HERC3: variants seen among roughly 807,000 people sequenced by gnomAD.
HERC3 encodes the protein probable E3 ubiquitin-protein ligase HERC3.
In HERC3, 58 loss-of-function variants were observed where a neutral mutation model predicts 129.9. The ratio of observed to expected loss-of-function variants is 0.45; its 90% CI spans 0.36 to 0.56. HERC3 has a LOEUF of 0.56. Among genes scored for constraint, HERC3 ranks in the 20% least tolerant of loss-of-function variants. The probability of loss-of-function intolerance (pLI) is 0.00; values close to 1 mark genes in which losing one functional copy is unlikely to be tolerated. For missense variants in HERC3, 835 were observed against 1,244.2 expected, an observed-to-expected ratio of 0.67 and a Z score of 4.95; for synonymous variants, 430 against 451.0, an observed-to-expected ratio of 0.95 and a Z score of 0.59.
chr4:88,667,494 T>C lies in HERC3; in HGVS notation c.1443+6T>C. 1 of 1,474,388 alleles carries C rather than the reference T, an allele frequency of 6.8e-7. No homozygotes were observed. Among genetic ancestry groups the C allele is most frequent in the Non-Finnish European group, 9.3e-7 (1 of 1,073,516 alleles). The allele number at this position is 1,474,388 out of a possible 1,614,324, so 91.3% of individuals were successfully genotyped here. A position where few individuals can be genotyped will look rare whatever the true frequency, so the allele number is the denominator to read the frequency against. On this transcript the variant is annotated splice_donor_region_variant and intron_variant, in intron 13 of 25. Transcript: ENST00000402738. Reference sequence around the variant, plus strand: ...ACTCCATGATTCTAGAACAGGTATGTTTCTATATTTGTAAAGTGCATTCTT... The same window carrying C: ...ACTCCATGATTCTAGAACAGGTATGCTTCTATATTTGTAAAGTGCATTCTT...
chr4:88,554,147 A>G, the HERC3 span, among the ~76,000 whole-genome samples: 3 of 152,094 alleles, frequency 2.0e-5, no homozygotes, highest in Non-Finnish European at 4.4e-5. Flanking sequence ...AGAGGTGGAG[A>G]CCATCCTGGC....
intron 3 of HERC3, among the ~76,000 whole-genome samples, chr4:88,615,328 C>A (rs1724788915): frequency 6.6e-6 from 1 of 152,120 alleles, no homozygotes. Context: ...TACATCTCTT[C>A]AAGGGCTACT....
the HERC3 span, among the ~76,000 whole-genome samples, chr4:88,529,902 T>C: frequency 1.3e-5 from 2 of 152,130 alleles, no homozygotes; most frequent in Non-Finnish European, 2.9e-5. Flanking sequence ...GAATACTTTA[T>C]TTCAAAACTA....
Position 88,654,044 on chromosome 4 carries a change from C to A in HERC3, c.688C>A (p.Arg230=). ...TTCTGATATTTAATTTATTCTAGAT[C>A]GAGAATCTCCATGCCATGTAAAACT... ...GQLGLSDEKD[R]ESPCHVKLLR... The change falls in exon 7 of 26, where the codon CGA becomes AGA. Residue 230 remains arginine (R), a splice_region_variant and synonymous_variant. Coordinates refer to ENST00000402738, the MANE Select transcript of HERC3 (RefSeq NM_014606.3). 6.2e-7 allele frequency: 1 copy of A among 1,604,490 alleles called. No individual in the cohort carries two copies. Among genetic ancestry groups the A allele is most frequent in the Non-Finnish European group, 8.5e-7 (1 of 1,171,906 alleles).
At chr4:88,697,926 T>C (rs1734836495) in intron 23 of HERC3, 1 of 835,272 alleles carries the variant, frequency 1.2e-6, no homozygotes, top group Non-Finnish European at 1.9e-6. Flanking sequence ...CTTCCCACTA[T>C]CAGCTGACGG....
chr4:88,671,649 G>A (rs1417863142), intron 16 of HERC3, among the ~76,000 whole-genome samples: 3 of 151,832 alleles, frequency 2.0e-5, no homozygotes, highest in East Asian at 3.9e-4. Context: ...TCAGCCTCCC[G>A]AGTAGCTGGG....
chr4:88,547,853 A>G, the HERC3 span, among the ~76,000 whole-genome samples: 1 of 152,090 alleles, frequency 6.6e-6, no homozygotes, highest in African/African-American at 2.4e-5. Flanking sequence ...ATAGGGTTTC[A>G]CCACGTTAGC....
chr4:88,523,915 C>G, the HERC3 span: 10 of 533,922 alleles, frequency 1.9e-5, no homozygotes, highest in Admixed American at 7.9e-5. Context: ...GAGGACAGCC[C>G]CAGGGCAGAG....
rs756176446 is a variant in HERC3 at position 88,655,224 on chromosome 4, C to T, written c.828C>T (p.His276=). 2.0e-5 allele frequency: 32 copies of T among 1,613,884 alleles called. No individual in the cohort carries two copies. Among genetic ancestry groups the T allele is most frequent in the South Asian group, 7.7e-5 (7 of 91,074 alleles). ...FGAGSCGQLG[H]DSMNDEVNPR... ...CTGGTTCCTGTGGGCAACTTGGACACGACTCCATGAATGATGAGGTTAACC... is the reference window on the plus strand; with the variant it reads ...CTGGTTCCTGTGGGCAACTTGGACATGACTCCATGAATGATGAGGTTAACC... The change falls in exon 8 of 26, where the codon CAC becomes CAT. Residue 276 remains histidine (H), a synonymous_variant. Transcript: ENST00000402738.
intron 23 of HERC3, among the ~76,000 whole-genome samples, chr4:88,694,048 T>C (rs945342533): frequency 1.3e-5 from 2 of 152,222 alleles, no homozygotes; most frequent in African/African-American, 4.8e-5. Context: ...AACATCCCTG[T>C]ATCCTTAGAG....
At chr4:88,652,648 T>G (rs913964632) in intron 5 of HERC3, among the ~76,000 whole-genome samples, 3 of 152,206 alleles carry the variant, frequency 2.0e-5, no homozygotes, top group African/African-American at 7.2e-5. Flanking sequence ...TGTATAAATT[T>G]TAATAGCCTT....
the HERC3 span, among the ~76,000 whole-genome samples, chr4:88,530,284 C>T: frequency 0.014 from 2,050 of 150,822 alleles, 45 homozygotes; most frequent in African/African-American, 0.045. Context: ...AGTGAGATTC[C>T]GTCTCCAAAA....
chr4:88,641,152 TAAC>T (rs1728047293), intron 3 of HERC3, among the ~76,000 whole-genome samples: 1 of 152,138 alleles, frequency 6.6e-6, no homozygotes, highest in Admixed American at 6.5e-5. Flanking sequence ...AGGAGAAAAA[TAAC>T]AAGAAAGTCT....
chr4:88,571,510 T>A, the HERC3 span, among the ~76,000 whole-genome samples: 5 of 152,258 alleles, frequency 3.3e-5, no homozygotes, highest in African/African-American at 9.6e-5. Context: ...CTTTCTTTTT[T>A]CCCCCAGATC....
At chr4:88,577,759 G>A in the HERC3 span, among the ~76,000 whole-genome samples, 13 of 151,940 alleles carry the variant, frequency 8.6e-5, no homozygotes, top group Non-Finnish European at 1.6e-4. Flanking sequence ...CCATAGAATG[G>A]TGATATCAAA....
chr4:88,632,603 A>G (rs556074934), intron 3 of HERC3, among the ~76,000 whole-genome samples: 1 of 152,252 alleles, frequency 6.6e-6, no homozygotes, highest in Non-Finnish European at 1.5e-5. Context: ...GAGGAACCAA[A>G]TACCATAACT....
chr4:88,619,156 G>A, intron 3 of HERC3, among the ~76,000 whole-genome samples: 1 of 152,256 alleles, frequency 6.6e-6, no homozygotes, highest in East Asian at 1.9e-4. Flanking sequence ...CCAAGAAGGA[G>A]CCATGTCTTG....
chr4:88,594,918 A>G (rs1409391899), intron 1 of HERC3, among the ~76,000 whole-genome samples: 1 of 151,984 alleles, frequency 6.6e-6, no homozygotes, highest in African/African-American at 2.4e-5. Flanking sequence ...CCTGACCAAC[A>G]TGGTGAAACC....
At chr4:88,558,634 T>C in the HERC3 span, among the ~76,000 whole-genome samples, 1 of 152,118 alleles carries the variant, frequency 6.6e-6, no homozygotes, top group Non-Finnish European at 1.5e-5. Flanking sequence ...ACCACCTGTA[T>C]CCTGAAAACT....
Sources: allele counts gnomAD v4.1 joint callset (sites outside exome capture counted in the v4.1 genomes callset), GRCh38; gene constraint gnomAD v4.1.1; transcripts MANE v1.5; gene names NCBI Gene and HGNC (gene_info 2026-07-23, HGNC 2026-07-21).